PLAAT1: variants seen among roughly 807,000 people sequenced by gnomAD.
PLAAT1 encodes phospholipase A and acyltransferase 1, also known as H-REV107 protein-related protein.
Under a neutral mutation model 16.4 loss-of-function variants are expected in PLAAT1, and 13 were observed. That is an observed-to-expected ratio of 0.79 (90% confidence interval 0.52 to 1.26). The LOEUF (loss-of-function observed/expected upper bound fraction) is 1.26. Among genes scored for constraint, PLAAT1 ranks in the 50% most tolerant of loss-of-function variants. PLAAT1 has a pLI of 0.00. For missense variants in PLAAT1, 218 were observed against 207.8 expected (o/e 1.05, Z -0.30); for synonymous variants, 73 against 78.4 (o/e 0.93, Z 0.36).
chr3:193,264,386 A>G (rs189188872), intron 3 of PLAAT1, among the ~76,000 whole-genome samples: 5 of 152,168 alleles, frequency 3.3e-5, no homozygotes, highest in Admixed American at 6.5e-5. Context: ...CATTTTCCTG[A>G]TGGCTAATGA....
At chr3:193,254,637 C>T (rs536280277) in intron 1 of PLAAT1, among the ~76,000 whole-genome samples, 1 of 152,130 alleles carries the variant, frequency 6.6e-6, no homozygotes, top group South Asian at 2.1e-4. Context: ...AAAAAATTAC[C>T]AAACTTAGAA....
rs144993380 is a variant in PLAAT1 at position 193,252,205 on chromosome 3, C to T, written c.1-3446C>T. On this transcript the variant is annotated intron_variant, in intron 1 of 3. Transcript: ENST00000264735. Reference sequence around the variant, plus strand: ...GGGAACAAGGGGCGGTGGGAGGCACCACACTCTTTTAAACAACCAGATCTC... The same window carrying T: ...GGGAACAAGGGGCGGTGGGAGGCACTACACTCTTTTAAACAACCAGATCTC... Among the ~76,000 whole-genome samples the T allele has an allele frequency of 2.2e-3, 338 of 152,004 alleles. 3 individuals carry two copies. The highest frequency in any genetic ancestry group is 2.9e-3 in the Non-Finnish European group (195 of 67,962).
At chr3:193,243,840 A>G (rs1715872418) in intron 1 of PLAAT1, among the ~76,000 whole-genome samples, 2 of 152,202 alleles carry the variant, frequency 1.3e-5, no homozygotes, top group Admixed American at 1.3e-4. Context: ...TTGGCCTTTT[A>G]TAGCCACACC....
intron 1 of PLAAT1, among the ~76,000 whole-genome samples, chr3:193,247,289 GATAA>G (rs1218702712): frequency 1.3e-5 from 2 of 152,290 alleles, no homozygotes; most frequent in Admixed American, 6.5e-5. Context: ...ATTTTGTGCA[GATAA>G]GGGAACTTGC....
At chr3:193,274,893 C>G, downstream of PLAAT1, 3 of 1,169,582 alleles carry the variant, frequency 2.6e-6, no homozygotes, top group Non-Finnish European at 3.6e-6. Context: ...TCTAAGGTCC[C>G]TTGCTGCAAG....
chr3:193,251,059 T>G (rs1314771415), intron 1 of PLAAT1, among the ~76,000 whole-genome samples: 2 of 152,116 alleles, frequency 1.3e-5, no homozygotes, highest in Non-Finnish European at 2.9e-5. Flanking sequence ...GTCTCAGATC[T>G]TTTTTGCAGG....
chr3:193,241,142 G>T, upstream of PLAAT1: 1 of 1,005,070 alleles, frequency 9.9e-7, no homozygotes, highest in South Asian at 5.2e-5. Flanking sequence ...GCGGGCGGGC[G>T]AAGCTGGGCT....
intron 3 of PLAAT1, among the ~76,000 whole-genome samples, chr3:193,269,095 G>A (rs1327721641): frequency 6.6e-6 from 1 of 151,754 alleles, no homozygotes; most frequent in Non-Finnish European, 1.5e-5. Flanking sequence ...CTCTTCTTTG[G>A]GATTTTATCT....
intron 2 of PLAAT1, among the ~76,000 whole-genome samples, chr3:193,256,325 G>A (rs1288195656): frequency 6.6e-6 from 1 of 152,156 alleles, no homozygotes; most frequent in Non-Finnish European, 1.5e-5. Context: ...GGTGGTGGGT[G>A]CAGATGCTGT....
At chr3:193,249,690 C>A (rs548543120) in intron 1 of PLAAT1, among the ~76,000 whole-genome samples, 78 of 152,048 alleles carry the variant, frequency 5.1e-4, no homozygotes, top group African/African-American at 1.8e-3. Flanking sequence ...CTTTTTCATT[C>A]TTTTTTCTTT....
chr3:193,254,466 A>G (rs552052228), intron 1 of PLAAT1, among the ~76,000 whole-genome samples: 15 of 152,332 alleles, frequency 9.8e-5, no homozygotes, highest in Non-Finnish European at 1.9e-4. Flanking sequence ...TAGAGATTCA[A>G]CATAGATACA....
chr3:193,248,176 A>G (rs748381091), intron 1 of PLAAT1, among the ~76,000 whole-genome samples: 2 of 152,132 alleles, frequency 1.3e-5, no homozygotes, highest in Non-Finnish European at 2.9e-5. Context: ...ATCTTTCTGC[A>G]GTTTTTCACT....
chr3:193,257,574 C>G (rs1034812217), intron 2 of PLAAT1, among the ~76,000 whole-genome samples: 14 of 152,078 alleles, frequency 9.2e-5, no homozygotes, highest in African/African-American at 3.4e-4. Context: ...CAAAACTATA[C>G]AAAAACATGG....
intron 2 of PLAAT1, chr3:193,276,927 C>T (rs1377086779): frequency 5.4e-6 from 5 of 921,368 alleles, no homozygotes; most frequent in African/African-American, 5.0e-5. Context: ...TAATAACTCT[C>T]TGAGCTTAGT....
chr3:193,275,223 G>A (rs998823825), downstream of PLAAT1: 3 of 1,614,030 alleles, frequency 1.9e-6, no homozygotes, highest in African/African-American at 4.0e-5. Flanking sequence ...CTTTTGCCAA[G>A]TCCTATATTG....
downstream of PLAAT1, among the ~76,000 whole-genome samples, chr3:193,271,320 A>G (rs993297291): frequency 1.3e-5 from 2 of 152,198 alleles, no homozygotes; most frequent in Admixed American, 6.5e-5. Context: ...TCAGGAGGAC[A>G]TGACAAGTAA....
downstream of PLAAT1, among the ~76,000 whole-genome samples, chr3:193,273,424 G>C (rs1262757663): frequency 6.6e-6 from 1 of 152,138 alleles, no homozygotes; most frequent in Non-Finnish European, 1.5e-5. Flanking sequence ...GTTTTTATAG[G>C]AATTTGCATT....
At chr3:193,279,238 G>A (rs112887636), downstream of PLAAT1, 106 of 690,324 alleles carry the variant, frequency 1.5e-4, 1 homozygote, top group African/African-American at 1.6e-3. Flanking sequence ...TGCCCTTCTA[G>A]TATATAGAAA....
chr3:193,265,406 T>A (rs144035909), intron 3 of PLAAT1, among the ~76,000 whole-genome samples: 1 of 152,164 alleles, frequency 6.6e-6, no homozygotes, highest in Non-Finnish European at 1.5e-5. Context: ...TATTATATTA[T>A]TTCATCGATA....
Sources: gnomAD v4.1 joint callset for allele counts (sites outside exome capture counted in the v4.1 genomes callset) on GRCh38, gnomAD v4.1.1 for gene constraint, MANE v1.5 for transcripts, NCBI Gene and HGNC (gene_info 2026-07-23, HGNC 2026-07-21) for gene names.